METTL9: variants seen among roughly 807,000 people sequenced by gnomAD.
METTL9 encodes methyltransferase 9, His-X-His N1(pi)-histidine.
Under a neutral mutation model 36.0 loss-of-function variants are expected in METTL9, and 10 were observed. That is an observed-to-expected ratio of 0.28 (90% CI 0.17 to 0.47). The LOEUF (loss-of-function observed/expected upper bound fraction) is 0.47. Ranked by LOEUF, METTL9 falls within the 20% of genes least tolerant of loss-of-function variation. The probability of loss-of-function intolerance (pLI) is 0.99; values close to 1 mark genes in which losing one functional copy is unlikely to be tolerated. For synonymous variants in METTL9, 175 were observed against 149.7 expected, an observed-to-expected ratio of 1.17 and a Z score of -1.23; for missense variants, 246 against 383.5, an observed-to-expected ratio of 0.64 and a Z score of 3.00.
At chr16:21,624,864 C>A in intron 3 of METTL9, 67 bp from the exon 4 acceptor site, 1 of 1,386,644 alleles carries the variant, frequency 7.2e-7, no homozygotes, top group Non-Finnish European at 1.0e-6. Context: ...TTATTGTCAT[C>A]TCAGTTATTT....
At chr16:21,612,551 T>C in intron 1 of METTL9, 94 bp from the exon 2 acceptor site, 2 of 1,175,654 alleles carry the variant, frequency 1.7e-6, no homozygotes, top group South Asian at 1.9e-5. Context: ...ATCTTAGATG[T>C]GATTTAGTCT....
intron 4 of METTL9, among the ~76,000 whole-genome samples, chr16:21,632,978 A>G (rs747638820): frequency 6.6e-5 from 10 of 152,026 alleles, no homozygotes; most frequent in Non-Finnish European, 1.0e-4. Context: ...TTTGAAGGCT[A>G]TTTCTGCCTC....
intron 4 of METTL9, among the ~76,000 whole-genome samples, chr16:21,651,418 C>G (rs1966572827): frequency 6.6e-6 from 1 of 152,118 alleles, no homozygotes; most frequent in South Asian, 2.1e-4. Flanking sequence ...CCTCAGCCTC[C>G]CAGGTGGGTG....
At chr16:21,607,001 G>A (rs1193875128) in intron 1 of METTL9, among the ~76,000 whole-genome samples, 1 of 151,978 alleles carries the variant, frequency 6.6e-6, no homozygotes, top group African/African-American at 2.4e-5. Flanking sequence ...TAGGAAAATT[G>A]CATTCCTACT....
intron 4 of METTL9, among the ~76,000 whole-genome samples, chr16:21,647,874 C>T (rs182661633): frequency 3.4e-4 from 51 of 152,226 alleles, no homozygotes; most frequent in Non-Finnish European, 6.6e-4. Flanking sequence ...CTTTCTTGTC[C>T]GCACCCTGGC....
intron 4 of METTL9, chr16:21,652,337 T>G (rs1966598668): frequency 2.1e-6 from 1 of 481,128 alleles, no homozygotes; most frequent in Non-Finnish European, 3.7e-6. Flanking sequence ...TTTTCAAGGT[T>G]AATATGAAAC....
chr16:21,627,109 A>G (rs1231956084), intron 4 of METTL9: 8 of 985,242 alleles, frequency 8.1e-6, no homozygotes, highest in African/African-American at 1.7e-5. Context: ...TTAGTGACCT[A>G]TAAATTTTGC....
intron 4 of METTL9, chr16:21,641,388 C>T: frequency 4.2e-6 from 2 of 471,028 alleles, no homozygotes; most frequent in South Asian, 4.2e-5. Context: ...TTATAGTTTC[C>T]TTACATTCTG....
At chr16:21,599,544 G>A (rs1401155853), upstream of METTL9, 10 of 1,277,968 alleles carry the variant, frequency 7.8e-6, no homozygotes, top group South Asian at 4.8e-5. The surrounding 1 kb of genome is among the most constrained non-coding windows in gnomAD (Gnocchi z 4.4). Context: ...CGGAAGGGAA[G>A]GGGGAGGTGC....
intron 1 of METTL9, among the ~76,000 whole-genome samples, chr16:21,610,219 G>GACATTTCAC (rs1419250979): frequency 1.3e-5 from 2 of 152,194 alleles, no homozygotes; most frequent in African/African-American, 4.8e-5. Context: ...GCATATTCAA[G>GACATTTCAC]ACATTTCACG....
chr16:21,598,328 A>T (rs1470093488), upstream of METTL9, among the ~76,000 whole-genome samples: 1 of 149,354 alleles, frequency 6.7e-6, no homozygotes, highest in Non-Finnish European at 1.5e-5. Flanking sequence ...CAGCCTGGAG[A>T]CAGAGCGAGA....
In METTL9 at chr16:21,612,770, C is replaced by T; in HGVS notation, c.291C>T (p.Ile97=). The change falls in exon 2 of 5, where the codon ATC becomes ATT. Residue 97 remains isoleucine (I), a synonymous_variant. Transcript: ENST00000358154. ...NSIEKSGWLF[I]QLYHSFVSSV... ...TTGAGAAATCGGGCTGGCTATTTAT[C>T]CAATTATATCATTCTTTTGTGTCAT... 2.5e-6 allele frequency: 4 copies of T among 1,613,070 alleles called. No homozygotes were observed. The highest frequency in any genetic ancestry group is 3.4e-6 in the Non-Finnish European group (4 of 1,179,698).
chr16:21,625,381 C>G, intron 4 of METTL9: 1 of 451,032 alleles, frequency 2.2e-6, no homozygotes, highest in South Asian at 2.5e-5. Flanking sequence ...AAAAATGCAA[C>G]TGTATCTCTG....
rs1014147497 is a variant in METTL9 at position 21,599,627 on chromosome 16, C to T, written c.-107C>T. The T allele has an allele frequency of 1.5e-6, 2 of 1,334,824 alleles. No individual in the cohort carries two copies. The highest frequency in any genetic ancestry group is 2.8e-4 in the Middle Eastern group (1 of 3,528). 82.7% of individuals were successfully genotyped at this position (1,334,824 alleles called of 1,614,324 possible). ...AAGGGGGCTGGATGGGCAAGGCGGC[C>T]GCGATGGCTCGAGCTCGGGCGGTGG... On this transcript the variant is annotated 5_prime_UTR_variant, in exon 1 of 5. Coordinates refer to ENST00000358154, the MANE Select transcript of METTL9 (RefSeq NM_016025.5). This position sits in a 1 kb window ranked among gnomAD's most constrained non-coding sequence, Gnocchi z 4.4.
chr16:21,611,071 A>G (rs1965414720), intron 1 of METTL9, among the ~76,000 whole-genome samples: 1 of 152,188 alleles, frequency 6.6e-6, no homozygotes, highest in Non-Finnish European at 1.5e-5. Flanking sequence ...CAGTGAATGT[A>G]AAAAGCTTCA....
At chr16:21,629,379 G>T (rs910405453) in intron 4 of METTL9, among the ~76,000 whole-genome samples, 1 of 152,126 alleles carries the variant, frequency 6.6e-6, no homozygotes, top group African/African-American at 2.4e-5. Context: ...TCTACCTTCT[G>T]CCATGCAAGG....
chr16:21,643,268 C>G (rs1966326576), intron 4 of METTL9: 3 of 752,812 alleles, frequency 4.0e-6, no homozygotes, highest in Non-Finnish European at 6.9e-6. Flanking sequence ...ACTACCCCCT[C>G]CCCCAACACA....
At chr16:21,635,972 C>A (rs983414482) in intron 4 of METTL9, among the ~76,000 whole-genome samples, 1 of 152,096 alleles carries the variant, frequency 6.6e-6, no homozygotes, top group Non-Finnish European at 1.5e-5. Context: ...CTTGCCTGTC[C>A]TCGTAGACCA....
chr16:21,599,528 C>A (rs1265645761), upstream of METTL9: 16 of 1,266,168 alleles, frequency 1.3e-5, no homozygotes, highest in Non-Finnish European at 1.6e-5. This position sits in a 1 kb window ranked among gnomAD's most constrained non-coding sequence, Gnocchi z 4.4. Flanking sequence ...AGCGGCGTTC[C>A]GCGGCCGGAA....
Sources: gnomAD v4.1 joint callset for allele counts (sites outside exome capture counted in the v4.1 genomes callset) on GRCh38, gnomAD v4.1.1 for gene constraint, Gnocchi (gnomAD v3.1) non-coding constraint, MANE v1.5 for transcripts, NCBI Gene and HGNC (gene_info 2026-07-23, HGNC 2026-07-21) for gene names.